The following MMP26 variants were observed in gnomAD, a reference collection of about 807,000 sequenced individuals.
The protein encoded by MMP26 is matrix metalloproteinase-26.
Under a neutral mutation model 31.0 loss-of-function variants are expected in MMP26, and 33 were observed. The observed-to-expected ratio is 1.06, with a 90% CI of 0.81 to 1.42. The LOEUF is 1.42. MMP26 is among the 40% of genes most tolerant of loss of function. The probability of loss-of-function intolerance (pLI) is 0.00; values close to 1 mark genes in which losing one functional copy is unlikely to be tolerated. For missense variants in MMP26, 347 were observed against 316.1 expected (o/e 1.10, Z -0.74); for synonymous variants, 122 against 114.9 (o/e 1.06, Z -0.40).
Position 4,907,637 on chromosome 11 carries a change from A to G in MMP26, c.-144-80431A>G, listed in dbSNP as rs759059999. Reference sequence around the variant, plus strand: ...GTTGAGGGTCTTCTTGTTCAATGCCATGGGAATTTCACCTAATGCCTGCTT... The same window carrying G: ...GTTGAGGGTCTTCTTGTTCAATGCCGTGGGAATTTCACCTAATGCCTGCTT... On this transcript the variant is annotated intron_variant, in intron 2 of 7. Transcript: ENST00000380390. 27 of 1,613,944 alleles carry G rather than the reference A, an allele frequency of 1.7e-5. 1 individual carries two copies. The South Asian group carries it at 2.9e-4, about 17-fold the overall frequency.
chr11:4,723,846 T>C (rs1336302358), intron 1 of MMP26: 4 of 1,506,902 alleles, frequency 2.7e-6, no homozygotes, highest in Non-Finnish European at 3.7e-6. Context: ...CCAGGAACCG[T>C]ACCTTGTCTA....
chr11:4,888,226 CT>C (rs1332344060), intron 2 of MMP26, among the ~76,000 whole-genome samples: 5 of 151,890 alleles, frequency 3.3e-5, no homozygotes, highest in Non-Finnish European at 7.4e-5. Flanking sequence ...TGTTTTATAC[CT>C]TTGTCTACTA....
In MMP26 at chr11:4,796,130, A is replaced by G. The variant is rs562288578; in HGVS notation, c.-145+28789A>G. Among the ~76,000 whole-genome samples, 5 of 152,304 alleles carry G rather than the reference A, an allele frequency of 3.3e-5. No homozygotes were observed. The South Asian group carries it at 1.0e-3, about 32-fold the overall frequency. ...TAACCTACAGCTGCAGTTCCCGGGAAAAGTAGAGCCTGTCTGTTGCTCTAC... is the reference window on the plus strand; with the variant it reads ...TAACCTACAGCTGCAGTTCCCGGGAGAAGTAGAGCCTGTCTGTTGCTCTAC... On this transcript the variant is annotated intron_variant, in intron 2 of 7. Transcript: ENST00000380390.
intron 1 of MMP26, chr11:4,723,683 T>C: frequency 1.1e-6 from 1 of 909,784 alleles, no homozygotes; most frequent in Non-Finnish European, 1.8e-6. Flanking sequence ...AGCCCTTGCA[T>C]GTTGCCAAGC....
intron 2 of MMP26, among the ~76,000 whole-genome samples, chr11:4,909,659 T>C (rs370531732): frequency 6.6e-6 from 1 of 152,208 alleles, no homozygotes; most frequent in Non-Finnish European, 1.5e-5. Flanking sequence ...TATGCTTTTT[T>C]ACCCATGATT....
At chr11:4,936,399 T>C (rs1267596832) in intron 2 of MMP26, among the ~76,000 whole-genome samples, 3 of 152,166 alleles carry the variant, frequency 2.0e-5, no homozygotes, top group African/African-American at 2.4e-5. Context: ...TGGTAGTTTG[T>C]ATTTCTGTAG....
intron 2 of MMP26, 148 bp downstream of exon 2, chr11:4,767,489 G>A (rs1032051750): frequency 4.6e-5 from 7 of 151,752 alleles, no homozygotes; most frequent in African/African-American, 1.7e-4. Flanking sequence ...ATTTTTTGTT[G>A]TTTCCCACGA....
intron 2 of MMP26, among the ~76,000 whole-genome samples, chr11:4,793,412 A>G (rs1009935258): frequency 2.0e-5 from 3 of 152,178 alleles, no homozygotes; most frequent in African/African-American, 7.2e-5. Flanking sequence ...TAATAATTCA[A>G]TGAATTTTGC....
chr11:4,735,520 T>C (rs1397124459), intron 1 of MMP26, among the ~76,000 whole-genome samples: 1 of 152,194 alleles, frequency 6.6e-6, no homozygotes, highest in Non-Finnish European at 1.5e-5. Flanking sequence ...CCAGGCTGGA[T>C]TTAACATTTG....
At chr11:4,822,246 C>T (rs200352290) in intron 2 of MMP26, 3 of 1,574,642 alleles carry the variant, frequency 1.9e-6, no homozygotes, top group East Asian at 4.5e-5. Context: ...CATTTGTCCA[C>T]ATCATCATGG....
At chr11:4,891,340 A>C (rs1850618801) in intron 2 of MMP26, among the ~76,000 whole-genome samples, 1 of 152,140 alleles carries the variant, frequency 6.6e-6, no homozygotes, top group African/African-American at 2.4e-5. Flanking sequence ...GCAAAAACAA[A>C]GTGAGAGGGG....
At chr11:4,767,602 T>A (rs7941672) in intron 2 of MMP26, among the ~76,000 whole-genome samples, 20,327 of 152,192 alleles carry the variant, frequency 0.13, 1,607 homozygotes, top group African/African-American at 0.21. Context: ...AACAATGCTA[T>A]TATATAAATA....
Position 4,989,885 on chromosome 11 carries a change from C to G in MMP26, c.320+17C>G. 6.3e-7 allele frequency: 1 copy of G among 1,592,624 alleles called. No homozygotes were observed. The highest frequency in any genetic ancestry group is 8.5e-7 in the Non-Finnish European group (1 of 1,171,186). On this transcript the variant is annotated intron_variant, in intron 4 of 7. Transcript: ENST00000380390. ...AACTTACAGGTGCTTGTTACTAAGG[C>G]CTAGAGGATAATGTGTGGGGTGATG...
chr11:4,889,156 G>A (rs556896743), intron 2 of MMP26, among the ~76,000 whole-genome samples: 13 of 152,172 alleles, frequency 8.5e-5, no homozygotes, highest in African/African-American at 2.9e-4. Flanking sequence ...TTATATGCTG[G>A]ACTGACTATA....
intron 2 of MMP26, chr11:4,860,096 C>CA (rs767979948): frequency 3.6e-5 from 17 of 471,036 alleles, no homozygotes; most frequent in South Asian, 2.5e-4. Context: ...GGGAATACCA[C>CA]ACAGACTGCC....
At chr11:4,749,803 G>A (rs910934060) in intron 1 of MMP26, among the ~76,000 whole-genome samples, 4 of 152,088 alleles carry the variant, frequency 2.6e-5, no homozygotes, top group African/African-American at 9.7e-5. Context: ...AGACTCAAAT[G>A]TAAGACCTGA....
intron 1 of MMP26, chr11:4,736,068 G>A (rs143054221): frequency 5.6e-4 from 85 of 152,158 alleles, no homozygotes; most frequent in African/African-American, 1.9e-3. Context: ...AAAAATGTGA[G>A]GTCACTGATA....
At position 4,773,745 on chromosome 11, in the gene MMP26, G is replaced by T. The variant is rs182880668; in HGVS notation, c.-145+6404G>T. Among the ~76,000 whole-genome samples the T allele has an allele frequency of 3.8e-3, 576 of 152,018 alleles. 2 individuals are homozygous for T. The highest frequency in any genetic ancestry group is 0.013 in the African/African-American group (534 of 41,464). On this transcript the variant is annotated intron_variant, in intron 2 of 7. Coordinates refer to ENST00000380390, the MANE Select transcript of MMP26 (RefSeq NM_021801.5). ...TATCCACCCATCACCTAGGTATTAA[G>T]CCCAGAATGCATTAGCTATTTTTCC...
chr11:4,907,842 C>A (rs1347544039), intron 2 of MMP26: 1 of 1,613,554 alleles, frequency 6.2e-7, no homozygotes, highest in African/African-American at 1.3e-5. Context: ...TTAGTGATTC[C>A]ATTTCCCTTC....
Sources: allele counts gnomAD v4.1 joint callset (sites outside exome capture counted in the v4.1 genomes callset), GRCh38; gene constraint gnomAD v4.1.1; transcripts MANE v1.5; gene names NCBI Gene and HGNC (gene_info 2026-07-23, HGNC 2026-07-21).